The following ADAMTS3 variants were observed in gnomAD, a reference collection of about 807,000 sequenced individuals.
ADAMTS3 encodes the protein ADAM metallopeptidase with thrombospondin type 1 motif 3, also known as A disintegrin and metalloproteinase with thrombospondin motifs 3.
ADAMTS3 carries 73 observed loss-of-function variants against 129.0 expected under a neutral mutation model. That is an observed-to-expected ratio of 0.57 (90% CI 0.47 to 0.69). The LOEUF (loss-of-function observed/expected upper bound fraction) is 0.69. Ranked by LOEUF, ADAMTS3 falls within the 30% of genes least tolerant of loss-of-function variation. The pLI, the probability that ADAMTS3 is intolerant of heterozygous loss-of-function variation, is 0.00. For synonymous variants in ADAMTS3, 477 were observed against 510.8 expected, an observed-to-expected ratio of 0.93 and a Z score of 0.89; for missense variants, 1,457 against 1,514.5, an observed-to-expected ratio of 0.96 and a Z score of 0.63.
chr4:72,520,517 T>C (rs1242163812), intron 3 of ADAMTS3, among the ~76,000 whole-genome samples: 7 of 152,202 alleles, frequency 4.6e-5, no homozygotes, highest in Admixed American at 3.3e-4. Context: ...CCCGGCTGCT[T>C]TGTTTACCTA....
chr4:72,380,054 G>T (rs996794947), intron 4 of ADAMTS3, among the ~76,000 whole-genome samples: 20 of 152,110 alleles, frequency 1.3e-4, no homozygotes, highest in African/African-American at 4.8e-4. Context: ...GACAGCAAAT[G>T]CTTCCGGGGT....
chr4:72,423,404 A>T (rs534907455), intron 3 of ADAMTS3, among the ~76,000 whole-genome samples: 1 of 152,172 alleles, frequency 6.6e-6, no homozygotes, highest in Non-Finnish European at 1.5e-5. Flanking sequence ...GTACAACAAC[A>T]TTATTTTAGT....
intron 4 of ADAMTS3, among the ~76,000 whole-genome samples, chr4:72,371,268 C>T (rs181400554): frequency 3.3e-5 from 5 of 151,920 alleles, no homozygotes; most frequent in Admixed American, 1.3e-4. Context: ...GAAACCAACA[C>T]AATTACATTA....
chr4:72,477,576 A>C (rs1026856565), intron 3 of ADAMTS3, among the ~76,000 whole-genome samples: 11 of 152,314 alleles, frequency 7.2e-5, no homozygotes, highest in African/African-American at 2.4e-4. Flanking sequence ...CTAAATGCCC[A>C]CAAGAGAAAG....
chr4:72,378,971 A>C (rs1485118867), intron 4 of ADAMTS3, among the ~76,000 whole-genome samples: 1 of 152,108 alleles, frequency 6.6e-6, no homozygotes, highest in African/African-American at 2.4e-5. Flanking sequence ...TCAGACAAGA[A>C]TCACTCAGCT....
At chr4:72,386,333 T>C (rs1306955004) in intron 4 of ADAMTS3, among the ~76,000 whole-genome samples, 2 of 152,200 alleles carry the variant, frequency 1.3e-5, no homozygotes, top group Non-Finnish European at 2.9e-5. Context: ...TATACACTCT[T>C]ATTTTTAAAA....
intron 3 of ADAMTS3, among the ~76,000 whole-genome samples, chr4:72,530,268 A>T (rs1157207151): frequency 2.4e-5 from 2 of 82,048 alleles, no homozygotes; most frequent in East Asian, 3.7e-4. Flanking sequence ...TATTATATAT[A>T]ATATATAATA....
chr4:72,512,407 G>A (rs1446080688), intron 3 of ADAMTS3, among the ~76,000 whole-genome samples: 4 of 152,042 alleles, frequency 2.6e-5, no homozygotes, highest in African/African-American at 4.8e-5. Context: ...CAGAAGAATC[G>A]CTTGAACCCA....
At chr4:72,506,853 C>T (rs1376110163) in intron 3 of ADAMTS3, among the ~76,000 whole-genome samples, 1 of 152,180 alleles carries the variant, frequency 6.6e-6, no homozygotes, top group Non-Finnish European at 1.5e-5. Flanking sequence ...CTGGGATGTC[C>T]TTCATGATTC....
intron 2 of ADAMTS3, 110 bp downstream of exon 2, chr4:72,567,263 AT>A (rs1260001935): frequency 6.2e-4 from 670 of 1,079,874 alleles, no homozygotes; most frequent in Admixed American, 7.0e-4. Flanking sequence ...ACTACAGATT[AT>A]TTTTTTTAAC....
chr4:72,416,743 G>T (rs1722315484), intron 3 of ADAMTS3, among the ~76,000 whole-genome samples: 1 of 152,006 alleles, frequency 6.6e-6, no homozygotes, highest in Non-Finnish European at 1.5e-5. Context: ...TCTTCCTCAT[G>T]CTTTCAAATT....
At chr4:72,547,673 A>G (rs1480593227) in intron 3 of ADAMTS3, among the ~76,000 whole-genome samples, 1 of 152,204 alleles carries the variant, frequency 6.6e-6, no homozygotes, top group Non-Finnish European at 1.5e-5. Flanking sequence ...TTTAGTACAT[A>G]TAAAATAAAT....
At chr4:72,289,801 C>A (rs1718610558) in intron 20 of ADAMTS3, among the ~76,000 whole-genome samples, 1 of 152,104 alleles carries the variant, frequency 6.6e-6, no homozygotes, top group South Asian at 2.1e-4. Context: ...CATGTGATGC[C>A]TTCAGCTACA....
intron 4 of ADAMTS3, among the ~76,000 whole-genome samples, chr4:72,342,339 A>G (rs912092150): frequency 6.7e-6 from 1 of 150,106 alleles, no homozygotes; most frequent in Non-Finnish European, 1.5e-5. Flanking sequence ...AGGTCACAAG[A>G]TTGGAAATTT....
At chr4:72,375,451 AG>A (rs1721112709) in intron 4 of ADAMTS3, among the ~76,000 whole-genome samples, 1 of 152,170 alleles carries the variant, frequency 6.6e-6, no homozygotes, top group Admixed American at 6.6e-5. Context: ...GAAAAGACAG[AG>A]CTTAAATGAG....
intron 2 of ADAMTS3, among the ~76,000 whole-genome samples, chr4:72,555,834 G>C (rs913812699): frequency 6.6e-6 from 1 of 151,360 alleles, no homozygotes; most frequent in African/African-American, 2.5e-5. Context: ...CATGAGATAT[G>C]GTTGTTTAAA....
Position 72,361,641 on chromosome 4 carries a change from T to C in ADAMTS3, c.662-21948A>G, listed in dbSNP as rs537252061. ...CCATATATTCCTATTCTTTCCTGCA[T>C]GAGCATGCTCCTTTGGGCCACCATT... On this transcript the variant is annotated intron_variant, in intron 4 of 21. Transcript: ENST00000286657. Among the ~76,000 whole-genome samples, 92 of 152,250 alleles carry C rather than the reference T, an allele frequency of 6.0e-4. 1 individual carries two copies. The highest frequency in any genetic ancestry group is 2.1e-3 in the African/African-American group (86 of 41,556).
intron 3 of ADAMTS3, among the ~76,000 whole-genome samples, chr4:72,429,321 A>C (rs975712137): frequency 3.3e-5 from 5 of 152,056 alleles, no homozygotes; most frequent in African/African-American, 7.2e-5. Flanking sequence ...TACATTTCAC[A>C]GATTTTTACA....
chr4:72,319,934 G>C lies in ADAMTS3; in HGVS notation c.1132C>G (p.Pro378Ala), dbSNP rs567890273. The change falls in exon 8 of 22, where the codon CCA becomes GCA. Residue 378 changes from proline to alanine, a missense_variant. Coordinates refer to ENST00000286657, the MANE Select transcript of ADAMTS3 (RefSeq NM_014243.3). The stretch of plus-strand genomic sequence containing the variant: ...TGATTCAGGGTACAACTTCTCACTG[G>C]ATGACACATGCCGGTGACTGGAGCA... Reference protein sequence around the residue: ...GYAPVTGMCHPVRSCTLNHED... With the variant: ...GYAPVTGMCHAVRSCTLNHED... 3.7e-6 allele frequency: 6 copies of C among 1,613,756 alleles called. No homozygotes were observed. In the African/African-American group the frequency reaches 8.0e-5, roughly 22 times the overall value.
Sources: allele counts gnomAD v4.1 joint callset (sites outside exome capture counted in the v4.1 genomes callset), GRCh38; gene constraint gnomAD v4.1.1; transcripts MANE v1.5; gene names NCBI Gene and HGNC (gene_info 2026-07-23, HGNC 2026-07-21).